GRID2: variants seen among roughly 807,000 people sequenced by gnomAD.
GRID2 encodes the protein glutamate receptor ionotropic, delta-2.
Under a neutral mutation model 114.8 loss-of-function variants are expected in GRID2, and 33 were observed. That is an observed-to-expected ratio of 0.29 (90% CI 0.22 to 0.38). GRID2 has a LOEUF of 0.38. Among genes scored for constraint, GRID2 ranks in the 10% least tolerant of loss-of-function variants. GRID2 has a pLI of 1.00. For synonymous variants in GRID2, 505 were observed against 449.9 expected (o/e 1.12, Z -1.55); for missense variants, 1,184 against 1,257.7 (o/e 0.94, Z 0.89).
intron 2 of GRID2, among the ~76,000 whole-genome samples, chr4:92,872,831 T>C (rs1205769401): frequency 2.0e-5 from 3 of 152,226 alleles, no homozygotes; most frequent in Admixed American, 2.0e-4. Context: ...GCAAAGGTGC[T>C]CTGTGAATAT....
intron 1 of GRID2, among the ~76,000 whole-genome samples, chr4:92,349,652 A>G (rs1269608592): frequency 6.6e-6 from 1 of 151,752 alleles, no homozygotes; most frequent in Non-Finnish European, 1.5e-5. Context: ...TGAGAAATTT[A>G]TCATCTGTTA....
intron 2 of GRID2, among the ~76,000 whole-genome samples, chr4:92,826,398 A>G (rs2149393318): frequency 6.6e-6 from 1 of 151,986 alleles, no homozygotes; most frequent in South Asian, 2.1e-4. Context: ...TCCCTAACAC[A>G]CCATATTTTC....
At chr4:92,353,896 T>G (rs562600328) in intron 1 of GRID2, among the ~76,000 whole-genome samples, 1 of 152,150 alleles carries the variant, frequency 6.6e-6, no homozygotes, top group Non-Finnish European at 1.5e-5. Context: ...CCTCTCAGAT[T>G]TTCTGCCAAA....
chr4:92,366,498 T>C (rs1014904608), intron 1 of GRID2, among the ~76,000 whole-genome samples: 1 of 152,034 alleles, frequency 6.6e-6, no homozygotes. Flanking sequence ...ATATTACGTA[T>C]GGCAGGCACT....
intron 10 of GRID2, among the ~76,000 whole-genome samples, chr4:93,446,479 A>G (rs1326196719): frequency 6.6e-6 from 1 of 152,058 alleles, no homozygotes; most frequent in African/African-American, 2.4e-5. Flanking sequence ...TAATAAACCA[A>G]GAGAAGAAAT....
At chr4:93,795,070 G>A (rs142228517) in intron 1 of GRID2, among the ~76,000 whole-genome samples, 27 of 152,166 alleles carry the variant, frequency 1.8e-4, no homozygotes, top group Admixed American at 1.2e-3. Context: ...TTTCACATAA[G>A]AAGATATTTT....
At chr4:93,411,034 A>G (rs983982560) in intron 9 of GRID2, among the ~76,000 whole-genome samples, 1 of 152,180 alleles carries the variant, frequency 6.6e-6, no homozygotes, top group African/African-American at 2.4e-5. Flanking sequence ...CCTGCTTCAG[A>G]CTCATTATCC....
chr4:92,586,632 A>C (rs1237989092), intron 1 of GRID2, among the ~76,000 whole-genome samples: 1 of 152,010 alleles, frequency 6.6e-6, no homozygotes, highest in Admixed American at 6.6e-5. Flanking sequence ...ATGACACTTC[A>C]CAATGAAAAT....
At chr4:93,125,751 G>A (rs1031170691) in intron 4 of GRID2, among the ~76,000 whole-genome samples, 1 of 152,066 alleles carries the variant, frequency 6.6e-6, no homozygotes, top group Non-Finnish European at 1.5e-5. Context: ...TAATGAATAA[G>A]CAAATCCTTA....
At chr4:93,071,962 CT>C (rs1165707695) in intron 2 of GRID2, among the ~76,000 whole-genome samples, 1 of 152,084 alleles carries the variant, frequency 6.6e-6, no homozygotes, top group Non-Finnish European at 1.5e-5. Context: ...AAAACAGTGA[CT>C]GAGTTTATAA....
intron 2 of GRID2, among the ~76,000 whole-genome samples, chr4:92,805,168 G>A (rs768297348): frequency 9.9e-5 from 15 of 151,854 alleles, no homozygotes; most frequent in Non-Finnish European, 1.9e-4. Context: ...AATAACTACT[G>A]CAGTGCAGCT....
At chr4:92,382,800 AT>A (rs1729684406) in intron 1 of GRID2, among the ~76,000 whole-genome samples, 1 of 152,016 alleles carries the variant, frequency 6.6e-6, no homozygotes, top group Admixed American at 6.6e-5. Context: ...AAGCCATTCC[AT>A]TCAGTTAGTC....
At chr4:93,519,588 G>A (rs1264085287) in intron 13 of GRID2, among the ~76,000 whole-genome samples, 1 of 152,030 alleles carries the variant, frequency 6.6e-6, no homozygotes, top group Non-Finnish European at 1.5e-5. Flanking sequence ...ATTATTATGA[G>A]GGCCATATTC....
chr4:92,507,577 A>C (rs1579487063), intron 1 of GRID2, among the ~76,000 whole-genome samples: 2 of 152,064 alleles, frequency 1.3e-5, no homozygotes, highest in South Asian at 2.1e-4. Flanking sequence ...TAAAAATTTA[A>C]AAAATAAAAA....
chr4:92,307,568 G>A (rs2110104012), intron 1 of GRID2, among the ~76,000 whole-genome samples: 1 of 151,916 alleles, frequency 6.6e-6, no homozygotes, highest in Admixed American at 6.6e-5. Context: ...GTTTAATAAG[G>A]TCAATTACAC....
At chr4:93,615,353 C>A (rs1016594317) in intron 13 of GRID2, among the ~76,000 whole-genome samples, 3 of 152,148 alleles carry the variant, frequency 2.0e-5, no homozygotes, top group Non-Finnish European at 1.5e-5. Context: ...TAAGTGAAAT[C>A]TCTCTTAGGA....
At chr4:93,057,241 C>T (rs1033175768) in intron 2 of GRID2, among the ~76,000 whole-genome samples, 9 of 151,558 alleles carry the variant, frequency 5.9e-5, no homozygotes, top group Admixed American at 2.6e-4. Flanking sequence ...ATGTCAATTA[C>T]GACTTCCCAA....
intron 2 of GRID2, among the ~76,000 whole-genome samples, chr4:92,731,765 A>C (rs1736338976): frequency 6.6e-6 from 1 of 151,920 alleles, no homozygotes; most frequent in South Asian, 2.1e-4. Context: ...GTCAATACCT[A>C]GGAGACAATA....
At position 92,525,053 on chromosome 4, in the gene GRID2, A is replaced by G. The variant is rs930274972; in HGVS notation, c.89-65078A>G. On this transcript the variant is annotated intron_variant, in intron 1 of 15. Coordinates refer to ENST00000282020, the MANE Select transcript of GRID2 (RefSeq NM_001510.4). The stretch of plus-strand genomic sequence containing the variant: ...GTATTTTTTATACTCTCTCAGTATA[A>G]AAGAAAACCAAAGTGTCCAGACTCA... Among the ~76,000 whole-genome samples the G allele has an allele frequency of 6.8e-4, 103 of 152,022 alleles. 1 individual carries two copies. The highest frequency in any genetic ancestry group is 2.6e-4 in the Non-Finnish European group (18 of 67,994).
Sources: gnomAD v4.1 joint callset for allele counts (sites outside exome capture counted in the v4.1 genomes callset) on GRCh38, gnomAD v4.1.1 for gene constraint, MANE v1.5 for transcripts, NCBI Gene and HGNC (gene_info 2026-07-23, HGNC 2026-07-21) for gene names.